LTBP4: variants seen among roughly 807,000 people sequenced by gnomAD.
LTBP4 encodes the protein latent-transforming growth factor beta-binding protein 4.
In LTBP4, 93 loss-of-function variants were observed where a neutral mutation model predicts 180.2. The observed-to-expected ratio is 0.52, with a 90% CI of 0.44 to 0.61. The LOEUF (loss-of-function observed/expected upper bound fraction) is 0.61. Ranked by LOEUF, LTBP4 falls within the 20% of genes least tolerant of loss-of-function variation. The probability of loss-of-function intolerance (pLI) is 0.00; values close to 1 mark genes in which losing one functional copy is unlikely to be tolerated. For missense variants in LTBP4, 2,116 were observed against 2,256.5 expected (o/e 0.94, Z 1.26); for synonymous variants, 947 against 934.5 (o/e 1.01, Z -0.24).
upstream of LTBP4, chr19:40,597,270 C>T: frequency 6.6e-7 from 1 of 1,514,918 alleles, no homozygotes; most frequent in Non-Finnish European, 8.8e-7. Context: ...GCCGCCCCCT[C>T]CTGCTGGTGC....
At position 40,607,404 on chromosome 19, in the gene LTBP4, G is replaced by A. The variant is rs1366247800; in HGVS notation, c.1031G>A (p.Arg344His). Residue 344 changes from arginine to histidine, a missense_variant, in exon 7 of 30, where the codon CGC (arginine) becomes CAC (histidine). Arg to His is a conservative substitution (Grantham distance 29, BLOSUM62 0). Around this residue, in one of 5 missense-constraint regions of LTBP4, gnomAD observed 469 missense variants for 532.5 expected, o/e 0.88. Coordinates refer to ENST00000396819, the MANE Select transcript of LTBP4 (RefSeq NM_001042545.2). ...VISEAKGPCFRVLRDGGCSLP... is the reference protein window; with the variant it reads ...VISEAKGPCFHVLRDGGCSLP... ...TCAGAGGCCAAAGGGCCCTGCTTCC[G>A]CGTGCTCCGCGACGGCGGCTGTTCG... 3.7e-6 allele frequency: 6 copies of A among 1,612,882 alleles called. No individual in the cohort carries two copies. Among genetic ancestry groups the A allele is most frequent in the South Asian group, 1.1e-5 (1 of 90,880 alleles).
At chr19:40,598,038 C>T (rs2081400317), upstream of LTBP4, among the ~76,000 whole-genome samples, 2 of 151,988 alleles carry the variant, frequency 1.3e-5, no homozygotes, top group African/African-American at 4.8e-5. Flanking sequence ...TCCAGGATTC[C>T]CTATAGATCT....
chr19:40,628,473 C>T (rs2081653701), intron 29 of LTBP4, among the ~76,000 whole-genome samples: 3 of 152,128 alleles, frequency 2.0e-5, no homozygotes, highest in Non-Finnish European at 4.4e-5. Context: ...AAGATCGCGC[C>T]ATTGCACTCC....
At position 40,624,094 on chromosome 19, in the gene LTBP4, C is replaced by T; in HGVS notation, c.3832+12C>T. The T allele has an allele frequency of 6.5e-7, 1 of 1,528,182 alleles. No homozygotes were observed. Among genetic ancestry groups the T allele is most frequent in the Non-Finnish European group, 8.8e-7 (1 of 1,134,986 alleles). The allele number at this position is 1,528,182 out of a possible 1,614,324, so 94.7% of individuals were successfully genotyped here. ...GAGCCAGAGCCTCGGTAACCCCGCCCACGCCATCCAGGCCCTCCTTCCCTT... is the reference window on the plus strand; with the variant it reads ...GAGCCAGAGCCTCGGTAACCCCGCCTACGCCATCCAGGCCCTCCTTCCCTT... On this transcript the variant is annotated intron_variant, in intron 26 of 29. Transcript: ENST00000396819.
rs757501186 is a variant in LTBP4, at chr19:40,609,509, C to A, written c.1427-21C>A. ...CGGAGGATTCAGAGATGGGGGAACC[C>A]TGGCTGACTGGACCCCCCAGGTCCC... On this transcript the variant is annotated intron_variant, in intron 9 of 29. Transcript: ENST00000396819. The surrounding 1 kb of genome is among the most constrained non-coding windows in gnomAD (Gnocchi z 4.9). 4.2e-5 allele frequency: 67 copies of A among 1,608,776 alleles called. No homozygotes were observed. The highest frequency in any genetic ancestry group is 5.5e-5 in the Non-Finnish European group (65 of 1,176,546).
rs1599862934 is a variant in LTBP4 at position 40,607,515 on chromosome 19, C to T, written c.1142C>T (p.Pro381Leu). Residue 381 changes from proline to leucine, a missense_variant, in exon 7 of 30, where the codon CCA becomes CTA. This residue lies in a region of LTBP4 where 877 missense variants were observed against 873.6 expected (regional missense o/e 1.00). Coordinates refer to ENST00000396819, the MANE Select transcript of LTBP4 (RefSeq NM_001042545.2). ...TGGGGCCGGGGCTGCCAGCTCTGCCCACCCTTCGGCTCAGGTGAGCCCCTG... is the reference window on the plus strand; with the variant it reads ...TGGGGCCGGGGCTGCCAGCTCTGCCTACCCTTCGGCTCAGGTGAGCCCCTG... ...KAWGRGCQLC[P>L]PFGSEGFREI... is the part of the protein sequence containing the mutation. 2 of 1,610,564 alleles carry T rather than the reference C, an allele frequency of 1.2e-6. No individual in the cohort carries two copies. The highest frequency in any genetic ancestry group is 8.5e-7 in the Non-Finnish European group (1 of 1,178,742).
chr19:40,600,222 G>A, upstream of LTBP4: 1 of 1,154,202 alleles, frequency 8.7e-7, no homozygotes, highest in South Asian at 4.4e-5. The surrounding 1 kb of genome is among the most constrained non-coding windows in gnomAD (Gnocchi z 4.4). Flanking sequence ...GGGGGGTTCC[G>A]GGCCAGATAA....
At chr19:40,621,477 G>A (rs1005600928) in intron 22 of LTBP4, among the ~76,000 whole-genome samples, 5 of 152,194 alleles carry the variant, frequency 3.3e-5, no homozygotes, top group Admixed American at 3.3e-4. Context: ...TGGCTGTGTA[G>A]TATTCATGGA....
intron 21 of LTBP4, among the ~76,000 whole-genome samples, 195 bp from the exon 22 acceptor site, chr19:40,619,152 A>C (rs2081569266): frequency 6.6e-6 from 1 of 152,120 alleles, no homozygotes. Flanking sequence ...GCCCTACTCA[A>C]AGAACAGGAT....
upstream of LTBP4, chr19:40,599,575 C>G (rs377594178): frequency 2.6e-5 from 42 of 1,598,400 alleles, 1 homozygote; most frequent in Non-Finnish European, 3.6e-5. Context: ...GCAGTCCCTC[C>G]CCTACCAAAT....
intron 1 of LTBP4, among the ~76,000 whole-genome samples, chr19:40,593,733 G>A (rs1405651724): frequency 1.3e-5 from 2 of 151,418 alleles, no homozygotes; most frequent in South Asian, 2.1e-4. Context: ...AATCCAGAAC[G>A]CTCGTGTTGC....
At position 40,625,289 on chromosome 19, in the gene LTBP4, TA is replaced by T. The variant is rs1568414467; in HGVS notation, c.3833-567del. Among the ~76,000 whole-genome samples, 46 of 10,456 alleles carry T rather than the reference TA, an allele frequency of 4.4e-3. 11 individuals carry two copies. The highest frequency in any genetic ancestry group is 0.011 in the East Asian group (7 of 620). The allele number at this position is 10,456 out of a possible 152,430, so 6.9% of individuals were successfully genotyped here. On this transcript the variant is annotated intron_variant, in intron 26 of 29. Transcript: ENST00000396819. The stretch of plus-strand genomic sequence containing the variant: ...ATATATATATATATATATATATATA[TA>T]TATATATATATATATATATATATAT...
chr19:40,613,537 C>T lies in LTBP4; in HGVS notation c.2557+8C>T, dbSNP rs777067175. 1.3e-5 allele frequency: 20 copies of T among 1,562,544 alleles called. No individual in the cohort carries two copies. The South Asian group carries it at 2.3e-4, about 18-fold the overall frequency. On this transcript the variant is annotated splice_region_variant and intron_variant, in intron 17 of 29. Coordinates refer to ENST00000396819, the MANE Select transcript of LTBP4 (RefSeq NM_001042545.2). The surrounding 1 kb of genome is among the most constrained non-coding windows in gnomAD (Gnocchi z 5.0). Reference sequence around the variant, plus strand: ...GCGGAGCCTCTTGCCTCGGTTCGTACCCGGGCTGATCCTGGCCCCGGAAAG... The same window carrying T: ...GCGGAGCCTCTTGCCTCGGTTCGTATCCGGGCTGATCCTGGCCCCGGAAAG...
At position 40,609,662 on chromosome 19, in the gene LTBP4, G is replaced by T. The variant is rs1406256314; in HGVS notation, c.1558+1G>T. ...AGCCCCCAGGGCACCCGATGCATTG[G>T]TGAGCAAGACGGAGGGCGCGGAAGG... On this transcript the variant is annotated splice_donor_variant, in intron 10 of 29. Transcript: ENST00000396819. LOFTEE classifies it high-confidence loss of function. This position sits in a 1 kb window ranked among gnomAD's most constrained non-coding sequence, Gnocchi z 4.9. 1 of 1,613,110 alleles carries T rather than the reference G, an allele frequency of 6.2e-7. No individual in the cohort carries two copies. Among genetic ancestry groups the T allele is most frequent in the African/African-American group, 1.3e-5 (1 of 74,924 alleles).
intron 1 of LTBP4, among the ~76,000 whole-genome samples, chr19:40,596,189 G>A (rs2081389545): frequency 6.6e-6 from 1 of 151,796 alleles, no homozygotes; most frequent in African/African-American, 2.4e-5. Flanking sequence ...CAAAGTGCTG[G>A]GATTACAGGC....
At chr19:40,623,898 G>C (rs373819302) in intron 25 of LTBP4, 38 bp from the exon 26 acceptor site, 1 of 1,611,018 alleles carries the variant, frequency 6.2e-7, no homozygotes, top group South Asian at 1.1e-5. Flanking sequence ...AGGGTGGGGA[G>C]AGTTGAAGGG....
At chr19:40,597,407 T>C, upstream of LTBP4, 1 of 1,493,894 alleles carries the variant, frequency 6.7e-7, no homozygotes, top group Non-Finnish European at 8.9e-7. Flanking sequence ...CTTGTGCCCC[T>C]TCCACCCAAT....
At position 40,609,814 on chromosome 19, in the gene LTBP4, T is replaced by C. The variant is rs766019225; in HGVS notation, c.1627T>C (p.Phe543Leu). ...PGRCENSPGSFRCVCGPGFRA... is the reference protein window; with the variant it reads ...PGRCENSPGSLRCVCGPGFRA... ...GCGCTGCGAGAACTCACCAGGCAGC[T>C]TCCGCTGCGTGTGCGGCCCGGGCTT... The change falls in exon 11 of 30, where the codon TTC becomes CTC. Residue 543 changes from phenylalanine to leucine, a missense_variant. Around this residue, in one of 5 missense-constraint regions of LTBP4, gnomAD observed 877 missense variants for 873.6 expected, o/e 1.00. Coordinates refer to ENST00000396819, the MANE Select transcript of LTBP4 (RefSeq NM_001042545.2). This position sits in a 1 kb window ranked among gnomAD's most constrained non-coding sequence, Gnocchi z 4.9. The C allele has an allele frequency of 9.3e-6, 15 of 1,606,884 alleles. No homozygotes were observed. In the South Asian group the frequency reaches 1.4e-4, roughly 15 times the overall value.
intron 21 of LTBP4, among the ~76,000 whole-genome samples, chr19:40,618,152 C>T (rs1053462342): frequency 1.3e-5 from 2 of 151,850 alleles, no homozygotes; most frequent in African/African-American, 4.8e-5. Context: ...CAGCCTCTAA[C>T]TCCTGGGCTC....
Sources: allele counts gnomAD v4.1 joint callset (sites outside exome capture counted in the v4.1 genomes callset), GRCh38; gene constraint gnomAD v4.1.1; regional missense constraint gnomAD v4.1.1; non-coding constraint Gnocchi (gnomAD v3.1); transcripts MANE v1.5; gene names NCBI Gene and HGNC (gene_info 2026-07-23, HGNC 2026-07-21).